Variants in MAST4 observed in about 807,000 individuals in gnomAD.
MAST4 encodes microtubule-associated serine/threonine-protein kinase 4.
Under a neutral mutation model 162.7 loss-of-function variants are expected in MAST4, and 89 were observed. That is an observed-to-expected ratio of 0.55 (90% CI 0.46 to 0.65). The LOEUF (loss-of-function observed/expected upper bound fraction) is 0.65. MAST4 is among the 30% of genes least tolerant of loss of function. MAST4 has a pLI of 0.00. For synonymous variants in MAST4, 1,479 were observed against 1,361.1 expected, an observed-to-expected ratio of 1.09 and a Z score of -1.91; for missense variants, 3,153 against 3,374.0, an observed-to-expected ratio of 0.93 and a Z score of 1.62.
chr5:66,691,263 T>C (rs1300505325), intron 1 of MAST4, among the ~76,000 whole-genome samples: 1 of 152,236 alleles, frequency 6.6e-6, no homozygotes, highest in African/African-American at 2.4e-5. Context: ...AGATGGTTTA[T>C]TAAGAATTCA....
intron 1 of MAST4, among the ~76,000 whole-genome samples, chr5:66,708,488 C>T (rs1236782980): frequency 6.6e-6 from 1 of 152,182 alleles, no homozygotes; most frequent in Admixed American, 6.5e-5. Flanking sequence ...AGGTGAGCCA[C>T]TCTGAGCTTT....
At chr5:67,085,971 G>A (rs1763189116) in intron 5 of MAST4, among the ~76,000 whole-genome samples, 1 of 152,148 alleles carries the variant, frequency 6.6e-6, no homozygotes, top group South Asian at 2.1e-4. Context: ...CATCATACAA[G>A]GAGATCCTAG....
chr5:66,796,277 G>A (rs1755642006), intron 3 of MAST4, among the ~76,000 whole-genome samples: 2 of 152,184 alleles, frequency 1.3e-5, no homozygotes, highest in Non-Finnish European at 2.9e-5. Flanking sequence ...CATGTGAAGG[G>A]TATTGCGATT....
intron 1 of MAST4, among the ~76,000 whole-genome samples, chr5:66,690,006 A>G (rs948805179): frequency 1.3e-5 from 2 of 152,146 alleles, no homozygotes; most frequent in African/African-American, 4.8e-5. Context: ...TGCTGTGGAA[A>G]CTTTGAACAG....
At chr5:66,882,404 C>T (rs1278613159) in intron 3 of MAST4, among the ~76,000 whole-genome samples, 3 of 152,040 alleles carry the variant, frequency 2.0e-5, no homozygotes, top group African/African-American at 7.2e-5. Context: ...AGATCTTAGG[C>T]GTTCTTTATA....
chr5:66,807,364 C>T (rs1009347439), intron 3 of MAST4, among the ~76,000 whole-genome samples: 16 of 152,184 alleles, frequency 1.1e-4, no homozygotes, highest in African/African-American at 3.4e-4. Flanking sequence ...GGCGCGGTGG[C>T]GGGCGCCTTT....
At chr5:66,985,931 A>G (rs567873357) in intron 4 of MAST4, among the ~76,000 whole-genome samples, 1 of 152,222 alleles carries the variant, frequency 6.6e-6, no homozygotes, top group Non-Finnish European at 1.5e-5. Flanking sequence ...AGTCATCTAC[A>G]TGTAGACAGC....
In MAST4 at chr5:67,104,409, G is replaced by A; in HGVS notation, c.1190G>A (p.Ser397Asn). 1 of 1,613,858 alleles carries A rather than the reference G, an allele frequency of 6.2e-7. No homozygotes were observed. The highest frequency in any genetic ancestry group is 8.5e-7 in the Non-Finnish European group (1 of 1,179,824). Residue 397 changes from serine to asparagine, a missense_variant, in exon 10 of 29, where the codon AGC becomes AAC. Transcript: ENST00000403625. ...MEERLKEIITSYSPDNVLPLA... is the reference protein window; with the variant it reads ...MEERLKEIITNYSPDNVLPLA... ...GAACGTCTAAAGGAAATTATCACCAGCTACTCTCCTGACAACGTTCTACCC... is the reference window on the plus strand; with the variant it reads ...GAACGTCTAAAGGAAATTATCACCAACTACTCTCCTGACAACGTTCTACCC...
chr5:66,599,652 T>G (rs1742426835), intron 1 of MAST4, among the ~76,000 whole-genome samples: 1 of 152,228 alleles, frequency 6.6e-6, no homozygotes, highest in Non-Finnish European at 1.5e-5. Flanking sequence ...TCCTGTTATT[T>G]TATTGCTGCA....
chr5:66,760,549 A>G (rs1479917465), intron 2 of MAST4, among the ~76,000 whole-genome samples: 3 of 151,742 alleles, frequency 2.0e-5, no homozygotes. Context: ...TCCACCCTCA[A>G]CTCCAAATCC....
At chr5:66,843,614 A>C (rs1421708634) in intron 3 of MAST4, among the ~76,000 whole-genome samples, 1 of 152,166 alleles carries the variant, frequency 6.6e-6, no homozygotes, top group African/African-American at 2.4e-5. Flanking sequence ...CATAGACTTA[A>C]GTGAAGTTCT....
At chr5:66,852,099 T>G (rs1481176996) in intron 3 of MAST4, among the ~76,000 whole-genome samples, 1 of 152,184 alleles carries the variant, frequency 6.6e-6, no homozygotes, top group Non-Finnish European at 1.5e-5. Flanking sequence ...ATAGACACTG[T>G]ATATATATAG....
intron 4 of MAST4, among the ~76,000 whole-genome samples, chr5:67,051,019 G>A (rs1414266355): frequency 6.6e-6 from 1 of 152,102 alleles, no homozygotes; most frequent in Non-Finnish European, 1.5e-5. Flanking sequence ...CATTTTTGCG[G>A]TCATGTCCCT....
intron 3 of MAST4, among the ~76,000 whole-genome samples, chr5:66,850,869 G>A (rs907994398): frequency 6.6e-6 from 1 of 150,540 alleles, no homozygotes; most frequent in African/African-American, 2.4e-5. Context: ...CCTTCAGTGT[G>A]TCTTCTGATT....
chr5:66,960,221 G>T (rs1745840643), intron 4 of MAST4, among the ~76,000 whole-genome samples: 1 of 152,078 alleles, frequency 6.6e-6, no homozygotes, highest in African/African-American at 2.4e-5. Flanking sequence ...TTGGTTCTGA[G>T]GATTTATTAT....
chr5:66,799,098 T>TAG (rs1755791984), intron 3 of MAST4, among the ~76,000 whole-genome samples: 4 of 152,194 alleles, frequency 2.6e-5, no homozygotes, highest in African/African-American at 9.7e-5. Context: ...TTCTCATCTT[T>TAG]ATGTGCTTCT....
At chr5:66,830,614 G>A (rs2149756207) in intron 3 of MAST4, among the ~76,000 whole-genome samples, 1 of 152,242 alleles carries the variant, frequency 6.6e-6, no homozygotes, top group East Asian at 1.9e-4. Flanking sequence ...GTGCTTGAAA[G>A]TTCTGCCACT....
At chr5:67,108,246 G>C (rs896214172) in intron 10 of MAST4, among the ~76,000 whole-genome samples, 1 of 152,050 alleles carries the variant, frequency 6.6e-6, no homozygotes, top group African/African-American at 2.4e-5. Flanking sequence ...ATGTGTTTAG[G>C]CTTTTCAGAT....
intron 4 of MAST4, among the ~76,000 whole-genome samples, chr5:66,948,645 G>A (rs899201680): frequency 3.9e-5 from 6 of 152,082 alleles, no homozygotes. Flanking sequence ...GTCCACTGGT[G>A]CGGCTGGAGC....
Sources: gnomAD v4.1 joint callset for allele counts (sites outside exome capture counted in the v4.1 genomes callset) on GRCh38, gnomAD v4.1.1 for gene constraint, MANE v1.5 for transcripts, NCBI Gene and HGNC (gene_info 2026-07-23, HGNC 2026-07-21) for gene names.